HIRA: variants seen among roughly 807,000 people sequenced by gnomAD.
The protein encoded by HIRA is histone cell cycle regulator.
HIRA carries 13 observed loss-of-function variants against 126.6 expected under a neutral mutation model. That is an observed-to-expected ratio of 0.10 (90% confidence interval 0.07 to 0.16). The LOEUF (loss-of-function observed/expected upper bound fraction) is 0.16, where lower values mean the gene tolerates loss of function less well. Ranked by LOEUF, HIRA falls within the 10% of genes least tolerant of loss-of-function variation. The pLI is 1.00. For missense variants in HIRA, 834 were observed against 1,314.4 expected (o/e 0.63, Z 5.65); for synonymous variants, 511 against 520.0 (o/e 0.98, Z 0.24).
At chr22:19,382,685 T>C (rs539133321) in intron 13 of HIRA, among the ~76,000 whole-genome samples, 5 of 152,078 alleles carry the variant, frequency 3.3e-5, no homozygotes, top group South Asian at 2.1e-4. Context: ...CCTGAGCAGA[T>C]AGACGGAATG....
At chr22:19,369,567 T>C (rs1257004135) in intron 15 of HIRA, among the ~76,000 whole-genome samples, 1 of 152,124 alleles carries the variant, frequency 6.6e-6, no homozygotes, top group African/African-American at 2.4e-5. Flanking sequence ...GTGGGGGACC[T>C]GGGCCTAACT....
intron 15 of HIRA, among the ~76,000 whole-genome samples, chr22:19,363,757 G>T (rs753374217): frequency 2.0e-5 from 3 of 152,092 alleles, no homozygotes; most frequent in Non-Finnish European, 4.4e-5. Context: ...AATTAGCCAC[G>T]TGTGGTGGCA....
At chr22:19,363,699 A>ACAGGC (rs1318846153) in intron 15 of HIRA, among the ~76,000 whole-genome samples, 1 of 152,130 alleles carries the variant, frequency 6.6e-6, no homozygotes, top group Non-Finnish European at 1.5e-5. Flanking sequence ...GGAGTTTGAG[A>ACAGGC]CTGGCCTGGC....
rs756174813 is a variant in HIRA, at chr22:19,375,648, A to G, written c.1758T>C (p.Thr586=). ...CCACCTACCTTTCCACAGCTGTCGG[A>G]GTCATGCTGGTCAGGGCAGGAGCAC... ...TPGAPALTSM[T]PTAVERLKEQ... is the part of the protein sequence containing the mutation. Residue 586 remains threonine (T), a synonymous_variant, in exon 15 of 25, where the codon ACT becomes ACC. Coordinates refer to ENST00000263208, the MANE Select transcript of HIRA (RefSeq NM_003325.4). 6.2e-7 allele frequency: 1 copy of G among 1,614,096 alleles called. No homozygotes were observed. Among genetic ancestry groups the G allele is most frequent in the Admixed American group, 1.7e-5 (1 of 60,020 alleles).
intron 1 of HIRA, among the ~76,000 whole-genome samples, chr22:19,415,012 C>T (rs564211770): frequency 6.6e-6 from 1 of 152,242 alleles, no homozygotes; most frequent in Admixed American, 6.5e-5. Context: ...GTAACGCAAT[C>T]TCAGCTCACT....
At chr22:19,337,573 T>C (rs1819926167) in intron 24 of HIRA, among the ~76,000 whole-genome samples, 1 of 152,014 alleles carries the variant, frequency 6.6e-6, no homozygotes, top group Admixed American at 6.6e-5. Flanking sequence ...AATCTAAAAG[T>C]CTGAAAAACG....
chr22:19,416,075 A>T (rs2146250387), intron 1 of HIRA, among the ~76,000 whole-genome samples: 1 of 152,292 alleles, frequency 6.6e-6, no homozygotes, highest in African/African-American at 2.4e-5. Flanking sequence ...CCAGAAATAA[A>T]CTGTTGTGTA....
At chr22:19,379,498 G>A (rs1296727845) in intron 13 of HIRA, among the ~76,000 whole-genome samples, 9 of 150,682 alleles carry the variant, frequency 6.0e-5, no homozygotes, top group Non-Finnish European at 1.2e-4. Context: ...GGTGGTAGGC[G>A]CCTGTAATCC....
rs548221904 is a variant in HIRA, at chr22:19,357,021, C to T, written c.2265G>A (p.Arg755=). Residue 755 remains arginine, a synonymous_variant, in exon 19 of 25, where the codon AGG becomes AGA. Transcript: ENST00000263208. The part of the protein sequence containing the change: ...CDVVCVACEK[R]MLSVFSTCGR... ...CACAGGTGGAGAACACTGACAGCAT[C>T]CTTTTTTCACAGGCGACACACACCA... 9.9e-6 allele frequency: 16 copies of T among 1,614,090 alleles called. No individual in the cohort carries two copies. In the African/African-American group the frequency reaches 1.7e-4, roughly 17 times the overall value.
intron 13 of HIRA, among the ~76,000 whole-genome samples, chr22:19,378,509 A>C (rs2089040372): frequency 6.6e-6 from 1 of 152,248 alleles, no homozygotes; most frequent in African/African-American, 2.4e-5. Flanking sequence ...AGCTTTTTCT[A>C]GAACAGATGC....
intron 24 of HIRA, among the ~76,000 whole-genome samples, chr22:19,335,695 CCCT>C (rs1483531922): frequency 3.3e-5 from 5 of 151,992 alleles, no homozygotes; most frequent in African/African-American, 1.2e-4. Flanking sequence ...GAATAGCCCC[CCCT>C]ATTTTTCCCA....
chr22:19,354,770 A>AT (rs148449868), intron 21 of HIRA, among the ~76,000 whole-genome samples: 27,202 of 150,356 alleles, frequency 0.18, 2,631 homozygotes, highest in East Asian at 0.3. Context: ...GGCAGTGGAG[A>AT]TTTTTTTTTT....
At chr22:19,413,682 A>G (rs560034770) in intron 1 of HIRA, among the ~76,000 whole-genome samples, 1 of 151,512 alleles carries the variant, frequency 6.6e-6, no homozygotes, top group African/African-American at 2.4e-5. Flanking sequence ...CGTGATCTCC[A>G]CTCACTGCAA....
intron 1 of HIRA, chr22:19,430,258 C>T (rs879880941): frequency 5.3e-5 from 8 of 152,108 alleles, no homozygotes; most frequent in Admixed American, 5.2e-4. Context: ...GCACATCTAC[C>T]GGGGTAACTC....
chr22:19,427,327 A>G (rs1371136067), intron 1 of HIRA, among the ~76,000 whole-genome samples: 4 of 152,182 alleles, frequency 2.6e-5, no homozygotes, highest in Non-Finnish European at 5.9e-5. Context: ...TAACCTCACC[A>G]TTAGGATCCT....
intron 24 of HIRA, among the ~76,000 whole-genome samples, chr22:19,350,744 T>C (rs137965603): frequency 6.6e-6 from 1 of 152,134 alleles, no homozygotes; most frequent in Non-Finnish European, 1.5e-5. Flanking sequence ...TCCTGCCTCA[T>C]TTCACACCAC....
chr22:19,355,706 C>A, intron 21 of HIRA, 54 bp downstream of exon 21: 1 of 1,337,002 alleles, frequency 7.5e-7, no homozygotes, highest in South Asian at 1.2e-5. Flanking sequence ...GCTCTGCTGT[C>A]TAGAGCAGAC....
chr22:19,404,024 T>G (rs998424377), intron 5 of HIRA, among the ~76,000 whole-genome samples: 1 of 152,236 alleles, frequency 6.6e-6, no homozygotes. Context: ...TTGTACTGTT[T>G]GATGATTTTT....
intron 18 of HIRA, among the ~76,000 whole-genome samples, chr22:19,357,281 C>T (rs1014755827): frequency 6.6e-6 from 1 of 152,206 alleles, no homozygotes; most frequent in Non-Finnish European, 1.5e-5. Context: ...AGGCTGCCTG[C>T]GCTTTCCTGA....
Sources: gnomAD v4.1 joint callset for allele counts (sites outside exome capture counted in the v4.1 genomes callset) on GRCh38, gnomAD v4.1.1 for gene constraint, MANE v1.5 for transcripts, NCBI Gene and HGNC (gene_info 2026-07-23, HGNC 2026-07-21) for gene names.